Variants in TLE5 observed in about 807,000 individuals in gnomAD.
TLE5 encodes TLE family member 5.
A neutral mutation model predicts 25.8 loss-of-function variants in TLE5; 7 were observed. The observed-to-expected ratio is 0.27, with a 90% CI of 0.15 to 0.51. The LOEUF is 0.51. Among genes scored for constraint, TLE5 ranks in the 20% least tolerant of loss-of-function variants. TLE5 has a pLI of 0.97. For synonymous variants in TLE5, 132 were observed against 110.5 expected, an observed-to-expected ratio of 1.20 and a Z score of -1.22; for missense variants, 149 against 250.7, an observed-to-expected ratio of 0.59 and a Z score of 2.74.
At chr19:3,062,872 T>C (rs1568267587), upstream of TLE5, 6 of 1,460,400 alleles carry the variant, frequency 4.1e-6, no homozygotes, top group South Asian at 7.3e-5. Context: ...TTTCCTTTTC[T>C]GCAGAAAGGC....
intron 1 of TLE5, 74 bp from the exon 2 acceptor site, chr19:3,061,331 C>G: frequency 8.2e-7 from 1 of 1,213,162 alleles, no homozygotes; most frequent in Non-Finnish European, 1.2e-6. Flanking sequence ...TAGGAGGGAG[C>G]GGCCGCGCAG....
chr19:3,055,808 G>GGCCCAGCCCTGCCACTT, intron 4 of TLE5, 82 bp from the exon 5 acceptor site: 6 of 1,428,488 alleles, frequency 4.2e-6, no homozygotes, highest in Non-Finnish European at 5.7e-6. Flanking sequence ...CGCGGGGCCC[G>GGCCCAGCCCTGCCACTT]GCCCAGCCCT....
chr19:3,057,632 CCT>C (rs552172887), intron 3 of TLE5, 45 bp downstream of exon 3: 132 of 1,583,938 alleles, frequency 8.3e-5, no homozygotes, highest in Non-Finnish European at 1.0e-4. Flanking sequence ...TGTGGAGGGC[CCT>C]GTCGCCCGCC....
chr19:3,056,660 A>G, intron 3 of TLE5: 1 of 596,700 alleles, frequency 1.7e-6, no homozygotes, highest in Non-Finnish European at 3.1e-6. Context: ...CACCGCGAGA[A>G]CACGCATTCC....
chr19:3,054,381 C>T (rs989150050), intron 5 of TLE5, 187 bp from the exon 6 acceptor site: 13 of 606,546 alleles, frequency 2.1e-5, no homozygotes, highest in Admixed American at 1.7e-4. Context: ...TCACCAAGCT[C>T]GTCTCTTCGT....
chr19:3,056,071 G>T, intron 4 of TLE5: 2 of 540,362 alleles, frequency 3.7e-6, no homozygotes, highest in Non-Finnish European at 6.5e-6. Flanking sequence ...TGTGGGGAAG[G>T]TCTCTGCCCC....
chr19:3,060,481 C>T (rs971718171), intron 2 of TLE5, among the ~76,000 whole-genome samples: 3 of 151,598 alleles, frequency 2.0e-5, no homozygotes, highest in Non-Finnish European at 2.9e-5. Flanking sequence ...TACAGGCGCC[C>T]GCCACCACAC....
intron 2 of TLE5, among the ~76,000 whole-genome samples, chr19:3,060,475 G>A (rs926274795): frequency 2.0e-5 from 3 of 151,730 alleles, no homozygotes; most frequent in African/African-American, 7.3e-5. Flanking sequence ...TGGGATTACA[G>A]GCGCCCGCCA....
chr19:3,061,350 CCCCCCCTCCTG>C (rs1416713261), intron 1 of TLE5, 93 bp from the exon 2 acceptor site: 3 of 918,080 alleles, frequency 3.3e-6, no homozygotes, highest in Non-Finnish European at 5.2e-6. Context: ...AGCTGCGGCG[CCCCCCCTCCTG>C]CCCCACTTCC....
In TLE5 at chr19:3,053,784, G is replaced by A; in HGVS notation, c.*35C>T. The A allele has an allele frequency of 6.3e-7, 1 of 1,594,994 alleles. No individual in the cohort carries two copies. Among genetic ancestry groups the A allele is most frequent in the Non-Finnish European group, 8.6e-7 (1 of 1,166,412 alleles). ...CTCTCCGTGCCTCTGTCTCCCCTCTGTCCCCCCTCCCAACCTCCCTGTCCC... is the reference window on the plus strand; with the variant it reads ...CTCTCCGTGCCTCTGTCTCCCCTCTATCCCCCCTCCCAACCTCCCTGTCCC... On this transcript the variant is annotated 3_prime_UTR_variant, in exon 7 of 7. Transcript: ENST00000327141.
At chr19:3,056,054 C>G in intron 4 of TLE5, 2 of 522,272 alleles carry the variant, frequency 3.8e-6, no homozygotes, top group South Asian at 2.6e-5. Flanking sequence ...GGCTGGGGGC[C>G]GTAGGCTGTG....
intron 5 of TLE5, chr19:3,055,093 G>C (rs1409379445): frequency 6.6e-6 from 1 of 152,450 alleles, no homozygotes; most frequent in African/African-American, 2.4e-5. Flanking sequence ...GGTAATGTGT[G>C]CTCAGGATCA....
Position 3,062,369 on chromosome 19 carries a change from G to A in TLE5, c.-169C>T. On this transcript the variant is annotated 5_prime_UTR_variant, in exon 1 of 7. Coordinates refer to ENST00000327141, the MANE Select transcript of TLE5 (RefSeq NM_001130.6). ...CGCTTCCTGCGCCCCCTCCCCGCGCGCCCGGCCCCGGCGCGCCCCGGGCCC... is the reference window on the plus strand; with the variant it reads ...CGCTTCCTGCGCCCCCTCCCCGCGCACCCGGCCCCGGCGCGCCCCGGGCCC... 1.1e-6 allele frequency: 1 copy of A among 951,966 alleles called. No individual in the cohort carries two copies. The highest frequency in any genetic ancestry group is 1.2e-6 in the Non-Finnish European group (1 of 806,460). 59.0% of individuals were successfully genotyped at this position (951,966 alleles called of 1,614,324 possible).
chr19:3,055,530 G>C lies in TLE5; in HGVS notation c.297+134C>G, dbSNP rs538588447. 1.6e-4 allele frequency: 112 copies of C among 702,608 alleles called. 2 individuals are homozygous for C. In the South Asian group the frequency reaches 2.7e-3, roughly 17 times the overall value. 43.5% of individuals were successfully genotyped at this position (702,608 alleles called of 1,614,324 possible). ...CTGCACAGGCCGGCTCTGGTGTTCA[G>C]AGCCAGGGAGGTCCAGAGAGGGGAG... is the stretch of plus-strand genomic sequence containing the variant. On this transcript the variant is annotated intron_variant, in intron 5 of 6. Transcript: ENST00000327141.
intron 1 of TLE5, 99 bp from the exon 2 acceptor site, chr19:3,061,356 C>A (rs112386926): frequency 3.3e-5 from 29 of 869,616 alleles, no homozygotes; most frequent in Non-Finnish European, 4.9e-5. Context: ...GGCGCCCCCC[C>A]TCCTGCCCCA....
intron 5 of TLE5, 60 bp from the exon 6 acceptor site, chr19:3,054,254 G>A: frequency 3.9e-6 from 6 of 1,542,472 alleles, no homozygotes; most frequent in South Asian, 3.5e-5. Flanking sequence ...GGAGAGGAGA[G>A]GGGGACGGCC....
chr19:3,062,637 C>T (rs2090282290), upstream of TLE5: 3 of 1,193,724 alleles, frequency 2.5e-6, no homozygotes, highest in Admixed American at 9.0e-5. Flanking sequence ...GCCCGCCCGC[C>T]GCGGTGACCT....
At chr19:3,056,031 C>A in intron 4 of TLE5, 1 of 518,592 alleles carries the variant, frequency 1.9e-6, no homozygotes. Flanking sequence ...AGCGCTTGTG[C>A]GAATGTAGGG....
intron 4 of TLE5, 192 bp downstream of exon 4, chr19:3,056,120 A>C: frequency 2.0e-6 from 1 of 510,182 alleles, no homozygotes. Context: ...GGAGGCCTGA[A>C]AAAGAGGCGG....
Sources: gnomAD v4.1 joint callset for allele counts (sites outside exome capture counted in the v4.1 genomes callset) on GRCh38, gnomAD v4.1.1 for gene constraint, MANE v1.5 for transcripts, NCBI Gene and HGNC (gene_info 2026-07-23, HGNC 2026-07-21) for gene names.